FMN2: variants seen among roughly 807,000 people sequenced by gnomAD.
FMN2 encodes formin-2.
Under a neutral mutation model 142.3 loss-of-function variants are expected in FMN2, and 51 were observed. The observed-to-expected ratio is 0.36, with a 90% CI of 0.29 to 0.45. The LOEUF is 0.45. Ranked by LOEUF, FMN2 falls within the 20% of genes least tolerant of loss-of-function variation. FMN2 has a pLI of 1.00. For missense variants in FMN2, 1,936 were observed against 2,122.8 expected (o/e 0.91, Z 1.73); for synonymous variants, 882 against 869.8 (o/e 1.01, Z -0.25).
chr1:240,423,316 G>A (rs1019508873), intron 15 of FMN2, among the ~76,000 whole-genome samples: 2 of 152,180 alleles, frequency 1.3e-5, no homozygotes, highest in African/African-American at 4.8e-5. Flanking sequence ...AAAGTTACTT[G>A]TGGAAGGCTT....
At chr1:240,367,767 C>CAA (rs60368715) in intron 14 of FMN2, among the ~76,000 whole-genome samples, 115 of 53,778 alleles carry the variant, frequency 2.1e-3, no homozygotes, top group Middle Eastern at 9.3e-3. Flanking sequence ...GACTCAGTCT[C>CAA]AAAAAAAAAA....
chr1:240,194,956 T>G (rs1008330932), intron 4 of FMN2, among the ~76,000 whole-genome samples: 9 of 149,662 alleles, frequency 6.0e-5, no homozygotes, highest in African/African-American at 1.5e-4. Context: ...CATTTTTTTT[T>G]TGTGAGTTTT....
intron 2 of FMN2, among the ~76,000 whole-genome samples, chr1:240,128,978 A>G (rs1662627091): frequency 6.6e-6 from 1 of 151,972 alleles, no homozygotes; most frequent in Admixed American, 6.6e-5. Flanking sequence ...GGTTCAAGGG[A>G]TTCACCTGCC....
At chr1:240,466,227 C>T (rs1486915815) in intron 16 of FMN2, among the ~76,000 whole-genome samples, 1 of 152,098 alleles carries the variant, frequency 6.6e-6, no homozygotes, top group Non-Finnish European at 1.5e-5. Context: ...TATTATAAAA[C>T]TTAAAAATAG....
chr1:240,107,222 G>A lies in FMN2; in HGVS notation c.1615+13498G>A, dbSNP rs576700724. On this transcript the variant is annotated intron_variant, in intron 1 of 17. Coordinates refer to ENST00000319653, the MANE Select transcript of FMN2 (RefSeq NM_020066.5). ...GAGAAGAGCAATTTCATCATCACTG[G>A]AGATGTTAAAATAGAGACTGAGTGA... Among the ~76,000 whole-genome samples, 26 of 152,144 alleles carry A rather than the reference G, an allele frequency of 1.7e-4. No individual in the cohort carries two copies. The East Asian group carries it at 5.1e-3, about 30-fold the overall frequency.
At chr1:240,183,854 T>A (rs1665256749) in intron 3 of FMN2, among the ~76,000 whole-genome samples, 2 of 152,338 alleles carry the variant, frequency 1.3e-5, no homozygotes, top group Admixed American at 1.3e-4. Flanking sequence ...GAATTCTGTT[T>A]CAGTTAAATT....
chr1:240,229,219 G>A (rs1299373577), intron 6 of FMN2, among the ~76,000 whole-genome samples: 1 of 152,114 alleles, frequency 6.6e-6, no homozygotes, highest in African/African-American at 2.4e-5. Flanking sequence ...AAAATCTAAA[G>A]ACTTCTGTGT....
At chr1:240,116,002 A>G (rs1002259990) in intron 1 of FMN2, among the ~76,000 whole-genome samples, 1 of 152,172 alleles carries the variant, frequency 6.6e-6, no homozygotes, top group Non-Finnish European at 1.5e-5. Context: ...TTGCCATTGT[A>G]TTTGTAAACT....
intron 15 of FMN2, among the ~76,000 whole-genome samples, chr1:240,436,349 A>G (rs760637812): frequency 3.9e-5 from 6 of 152,196 alleles, no homozygotes; most frequent in Non-Finnish European, 7.3e-5. Context: ...AAAAGCTGAT[A>G]TCCTGGGAAT....
At chr1:240,457,086 A>G (rs1297572589) in intron 16 of FMN2, among the ~76,000 whole-genome samples, 1 of 151,840 alleles carries the variant, frequency 6.6e-6, no homozygotes, top group Non-Finnish European at 1.5e-5. Context: ...CACTGGTACT[A>G]TGATTTATAC....
At chr1:240,284,288 T>C (rs778083264) in intron 7 of FMN2, among the ~76,000 whole-genome samples, 2 of 152,170 alleles carry the variant, frequency 1.3e-5, no homozygotes, top group African/African-American at 4.8e-5. Flanking sequence ...TTCATCACTA[T>C]ATTCTAACTA....
At chr1:240,143,931 A>G (rs553564369) in intron 2 of FMN2, 2 of 1,504,736 alleles carry the variant, frequency 1.3e-6, no homozygotes, top group East Asian at 4.5e-5. Context: ...CCTAGCCCAA[A>G]GATGGAACCA....
intron 2 of FMN2, among the ~76,000 whole-genome samples, chr1:240,155,952 T>C (rs1317002089): frequency 6.6e-6 from 1 of 151,342 alleles, no homozygotes; most frequent in Non-Finnish European, 1.5e-5. Context: ...TATATCACCG[T>C]AAAGGGACAG....
intron 16 of FMN2, among the ~76,000 whole-genome samples, chr1:240,465,746 C>T (rs1572343309): frequency 6.6e-6 from 1 of 152,130 alleles, no homozygotes; most frequent in Admixed American, 6.5e-5. Flanking sequence ...CTTTCTCATT[C>T]GATTGAATGA....
chr1:240,248,127 A>G (rs1462059921), intron 6 of FMN2, among the ~76,000 whole-genome samples: 1 of 151,840 alleles, frequency 6.6e-6, no homozygotes, highest in African/African-American at 2.4e-5. Context: ...AGCCTCTGAT[A>G]TCTTTTGTTC....
intron 2 of FMN2, among the ~76,000 whole-genome samples, chr1:240,153,132 C>G (rs1663855041): frequency 6.6e-6 from 1 of 152,098 alleles, no homozygotes; most frequent in African/African-American, 2.4e-5. Flanking sequence ...GTGGCACTGG[C>G]TGGCTCATTT....
At chr1:240,441,761 A>G (rs1039608130) in intron 16 of FMN2, among the ~76,000 whole-genome samples, 5 of 151,808 alleles carry the variant, frequency 3.3e-5, no homozygotes, top group African/African-American at 9.7e-5. Context: ...AGCAAGCCAC[A>G]CTGCCTTTCC....
intron 15 of FMN2, among the ~76,000 whole-genome samples, chr1:240,415,176 C>T (rs1674536052): frequency 6.6e-6 from 1 of 152,128 alleles, no homozygotes; most frequent in African/African-American, 2.4e-5. Context: ...GAAAATGTGG[C>T]ACATTTACAC....
rs769026980 is a variant in FMN2, at chr1:240,333,961, A to G, written c.4644+15A>G. ...ATTTTGATGAGGTAAGACAATTTTTACATATAGTCATATTCCATTATTCTT... is the reference window on the plus strand; with the variant it reads ...ATTTTGATGAGGTAAGACAATTTTTGCATATAGTCATATTCCATTATTCTT... On this transcript the variant is annotated intron_variant, in intron 12 of 17. Coordinates refer to ENST00000319653, the MANE Select transcript of FMN2 (RefSeq NM_020066.5). The G allele has an allele frequency of 1.6e-5, 25 of 1,599,054 alleles. No homozygotes were observed. The Middle Eastern group carries it at 1.2e-3, about 75-fold the overall frequency.
Sources: gnomAD v4.1 joint callset for allele counts (sites outside exome capture counted in the v4.1 genomes callset) on GRCh38, gnomAD v4.1.1 for gene constraint, MANE v1.5 for transcripts, NCBI Gene and HGNC (gene_info 2026-07-23, HGNC 2026-07-21) for gene names.